Variants in ATG14 observed in about 807,000 individuals in gnomAD.
ATG14 encodes the protein beclin 1-associated autophagy-related key regulator.
Under a neutral mutation model 60.4 loss-of-function variants are expected in ATG14, and 35 were observed. The observed-to-expected ratio is 0.58, with a 90% CI of 0.44 to 0.77. The LOEUF (loss-of-function observed/expected upper bound fraction) is 0.77. Ranked by LOEUF, ATG14 falls within the 30% of genes least tolerant of loss-of-function variation. The pLI is 0.00. For missense variants in ATG14, 647 were observed against 626.3 expected, an observed-to-expected ratio of 1.03 and a Z score of -0.35; for synonymous variants, 234 against 228.8, an observed-to-expected ratio of 1.02 and a Z score of -0.21.
At chr14:55,410,298 A>G (rs1885551108) in intron 1 of ATG14, among the ~76,000 whole-genome samples, 1 of 152,232 alleles carries the variant, frequency 6.6e-6, no homozygotes, top group African/African-American at 2.4e-5. Context: ...AGTCTTAAGC[A>G]TATAGATGGT....
chr14:55,397,808 C>T (rs551684011), intron 1 of ATG14, among the ~76,000 whole-genome samples: 69 of 152,206 alleles, frequency 4.5e-4, no homozygotes, highest in African/African-American at 1.6e-3. Context: ...CCTGCTCTCT[C>T]CTATAAACTG....
chr14:55,369,530 T>C lies in ATG14; in HGVS notation c.*89A>G. On this transcript the variant is annotated 3_prime_UTR_variant, in exon 10 of 10. Coordinates refer to ENST00000247178, the MANE Select transcript of ATG14 (RefSeq NM_014924.5). ...ACTTTAACCTCTTTGTTCCAGACAC[T>C]ATCTTAACTTAAACAGAAAATGTTT... The C allele has an allele frequency of 1.6e-6, 2 of 1,224,840 alleles. No homozygotes were observed. The highest frequency in any genetic ancestry group is 2.2e-5 in the South Asian group (1 of 45,252). 75.9% of individuals were successfully genotyped at this position (1,224,840 alleles called of 1,614,324 possible). A position where few individuals can be genotyped will look rare whatever the true frequency, so the allele number is the denominator to read the frequency against.
chr14:55,396,843 A>T (rs1885321591), intron 2 of ATG14, among the ~76,000 whole-genome samples: 1 of 152,064 alleles, frequency 6.6e-6, no homozygotes, highest in South Asian at 2.1e-4. Context: ...GATTCCCACC[A>T]TTCCCCCCCA....
rs112386806 is a variant in ATG14, at chr14:55,397,736, G to C, written c.222-302C>G. Among the ~76,000 whole-genome samples, 2 of 152,228 alleles carry C rather than the reference G, an allele frequency of 1.3e-5. 1 individual carries two copies. Among genetic ancestry groups the C allele is most frequent in the African/African-American group, 4.8e-5 (2 of 41,562 alleles). On this transcript the variant is annotated intron_variant, in intron 1 of 9. Transcript: ENST00000247178. Reference sequence around the variant, plus strand: ...CACATCAGAACACTAAAGTGAATTTGAATTCAAGGAAATTGATGCTTTCAC... The same window carrying C: ...CACATCAGAACACTAAAGTGAATTTCAATTCAAGGAAATTGATGCTTTCAC...
In ATG14 at chr14:55,380,612, T is replaced by C. The variant is rs945333572; in HGVS notation, c.956A>G (p.His319Arg). 6.2e-7 allele frequency: 1 copy of C among 1,613,024 alleles called. No individual in the cohort carries two copies. The highest frequency in any genetic ancestry group is 8.5e-7 in the Non-Finnish European group (1 of 1,179,504). The change falls in exon 7 of 10, where the codon CAT becomes CGT. Residue 319 changes from histidine (H) to arginine (R), a missense_variant. By Grantham distance (29) the His-to-Arg change is conservative. Transcript: ENST00000247178. ...TTTGGGAAGATTTACATCAAGTATA[T>C]GAGACAGAATGTTGACCAGCTGAGT... ...YATQLVNILS[H>R]ILDVNLPKKL... is the part of the protein sequence containing the mutation.
At chr14:55,374,467 T>G (rs1214158807) in intron 9 of ATG14, among the ~76,000 whole-genome samples, 1 of 152,240 alleles carries the variant, frequency 6.6e-6, no homozygotes, top group Non-Finnish European at 1.5e-5. Context: ...ATAGAGGTTG[T>G]GGAACCTATC....
rs3783649 is a variant in ATG14, at chr14:55,367,692, G to A, written c.*1927C>T. On this transcript the variant is annotated 3_prime_UTR_variant, in exon 10 of 10. Coordinates refer to ENST00000247178, the MANE Select transcript of ATG14 (RefSeq NM_014924.5). ...CCAGGAGATGGTGGTTGCAGTGAGC[G>A]GAGATGGTGCCACTACACTCCAGCC... The A allele has an allele frequency of 0.3, 45,655 of 151,420 alleles. 7,195 individuals carry two copies. Among genetic ancestry groups the A allele is most frequent in the Non-Finnish European group, 0.34 (22,757 of 67,844 alleles). The allele number at this position is 151,420 out of a possible 1,614,324, so 9.4% of individuals were successfully genotyped here. A position where few individuals can be genotyped will look rare whatever the true frequency, so the allele number is the denominator to read the frequency against.
In ATG14 at chr14:55,390,434, C is replaced by T. The variant is rs544433090; in HGVS notation, c.409+477G>A. On this transcript the variant is annotated intron_variant, in intron 4 of 9. Coordinates refer to ENST00000247178, the MANE Select transcript of ATG14 (RefSeq NM_014924.5). ...CTGTGCCCAGGCTGGAGTGCAGTGG[C>T]GCAATCTCAGCTCACTGCAAGCTCT... is the stretch of plus-strand genomic sequence containing the variant. Among the ~76,000 whole-genome samples, 29 of 151,894 alleles carry T rather than the reference C, an allele frequency of 1.9e-4. No individual in the cohort carries two copies. The South Asian group carries it at 4.4e-3, about 23-fold the overall frequency.
At chr14:55,393,155 G>A (rs1042453054) in intron 3 of ATG14, among the ~76,000 whole-genome samples, 18 of 152,174 alleles carry the variant, frequency 1.2e-4, no homozygotes, top group African/African-American at 4.3e-4. Flanking sequence ...GCCAAGGTGG[G>A]CGGATCACGA....
intron 4 of ATG14, among the ~76,000 whole-genome samples, chr14:55,386,359 G>A (rs1289315936): frequency 1.3e-5 from 2 of 152,140 alleles, no homozygotes; most frequent in Non-Finnish European, 2.9e-5. Flanking sequence ...AACAACTATC[G>A]AGTTTAAGTT....
At chr14:55,400,050 G>C (rs1456419623) in intron 1 of ATG14, among the ~76,000 whole-genome samples, 2 of 152,208 alleles carry the variant, frequency 1.3e-5, no homozygotes, top group East Asian at 3.8e-4. Flanking sequence ...AATACTTCAT[G>C]AGTCACGTCC....
intron 1 of ATG14, among the ~76,000 whole-genome samples, chr14:55,402,926 A>AT (rs1555342952): frequency 1.2e-4 from 2 of 16,400 alleles, no homozygotes; most frequent in Admixed American, 9.4e-4. Context: ...AAAAAAAAAA[A>AT]ATATATATAT....
chr14:55,387,533 TC>T (rs1189262424), intron 4 of ATG14, among the ~76,000 whole-genome samples: 2 of 152,112 alleles, frequency 1.3e-5, no homozygotes, highest in Admixed American at 6.5e-5. Context: ...TCAGATGAGG[TC>T]CCACTGAAGC....
intron 1 of ATG14, 83 bp downstream of exon 1, chr14:55,411,519 G>A (rs1870542510): frequency 7.4e-7 from 1 of 1,352,766 alleles, no homozygotes; most frequent in Non-Finnish European, 1.0e-6. Flanking sequence ...TGCCCGGACG[G>A]GGAGCCCCAG....
intron 6 of ATG14, 134 bp from the exon 7 acceptor site, chr14:55,380,824 T>G: frequency 5.9e-6 from 2 of 339,490 alleles, no homozygotes; most frequent in South Asian, 6.9e-5. Flanking sequence ...AGATGCTCCA[T>G]GACCAGACAT....
chr14:55,402,633 C>A (rs563003121), intron 1 of ATG14, among the ~76,000 whole-genome samples: 76 of 151,594 alleles, frequency 5.0e-4, no homozygotes, highest in African/African-American at 1.7e-3. Context: ...GTATGATTTT[C>A]ATAGGCAAAT....
chr14:55,403,844 A>G (rs927378930), intron 1 of ATG14, among the ~76,000 whole-genome samples: 2 of 152,256 alleles, frequency 1.3e-5, no homozygotes, highest in Non-Finnish European at 2.9e-5. Flanking sequence ...TGTTTGAGCT[A>G]AACATTTCAA....
At chr14:55,398,315 TTTTG>T (rs1314523281) in intron 1 of ATG14, among the ~76,000 whole-genome samples, 1 of 152,092 alleles carries the variant, frequency 6.6e-6, no homozygotes, top group Non-Finnish European at 1.5e-5. Flanking sequence ...TACTTGGGTT[TTTTG>T]TTTTTGTTTT....
chr14:55,410,989 C>T (rs562956826), intron 1 of ATG14, among the ~76,000 whole-genome samples: 4 of 152,306 alleles, frequency 2.6e-5, no homozygotes, highest in African/African-American at 7.2e-5. Context: ...AAGCATGCAG[C>T]TCCCAATCTG....
Sources: gnomAD v4.1 joint callset for allele counts (sites outside exome capture counted in the v4.1 genomes callset) on GRCh38, gnomAD v4.1.1 for gene constraint, MANE v1.5 for transcripts, NCBI Gene and HGNC (gene_info 2026-07-23, HGNC 2026-07-21) for gene names.